SGTA: variants seen among roughly 807,000 people sequenced by gnomAD.
SGTA encodes small glutamine-rich tetratricopeptide repeat-containing protein alpha.
A neutral mutation model predicts 44.3 loss-of-function variants in SGTA; 22 were observed. The observed-to-expected ratio is 0.50, with a 90% confidence interval of 0.36 to 0.71. SGTA has a LOEUF of 0.71. Among genes scored for constraint, SGTA ranks in the 30% least tolerant of loss-of-function variants. SGTA has a pLI of 0.00. For synonymous variants in SGTA, 174 were observed against 177.6 expected (o/e 0.98, Z 0.16); for missense variants, 341 against 435.9 (o/e 0.78, Z 1.94).
At chr19:2,777,349 C>G (rs1382392205) in intron 1 of SGTA, 1 of 151,422 alleles carries the variant, frequency 6.6e-6, no homozygotes, top group African/African-American at 2.4e-5. Context: ...CATAGGAATT[C>G]AAGAGCAGCC....
intron 8 of SGTA, chr19:2,759,529 G>C: frequency 1.8e-6 from 1 of 547,840 alleles, no homozygotes; most frequent in Non-Finnish European, 3.3e-6. Flanking sequence ...CTTCAGGAGC[G>C]ATCTCGCAGC....
Position 2,765,145 on chromosome 19 carries a change from C to T in SGTA, c.392+41G>A, listed in dbSNP as rs376951937. 1.6e-4 allele frequency: 236 copies of T among 1,469,942 alleles called. 2 individuals are homozygous for T. The Admixed American group carries it at 3.9e-3, about 24-fold the overall frequency. The allele number at this position is 1,469,942 out of a possible 1,614,324, so 91.1% of individuals were successfully genotyped here. ...CTAAGCATCCCGGAGGACGCCCCCGCACCCGGCCGCCCCTGCCCTGGGCAG... is the reference window on the plus strand; with the variant it reads ...CTAAGCATCCCGGAGGACGCCCCCGTACCCGGCCGCCCCTGCCCTGGGCAG... On this transcript the variant is annotated intron_variant, in intron 5 of 11. Coordinates refer to ENST00000221566, the MANE Select transcript of SGTA (RefSeq NM_003021.4). The surrounding 1 kb of genome is among the most constrained non-coding windows in gnomAD (Gnocchi z 5.5).
At chr19:2,769,465 C>A (rs568147291) in intron 1 of SGTA, among the ~76,000 whole-genome samples, 5 of 152,178 alleles carry the variant, frequency 3.3e-5, no homozygotes, top group Non-Finnish European at 7.4e-5. Context: ...CAGCACCCTG[C>A]AGTGCCCAGG....
rs375608481 is a variant in SGTA, at chr19:2,765,171, G to A, written c.392+15C>T. 2.9e-4 allele frequency: 465 copies of A among 1,606,526 alleles called. No homozygotes were observed. The highest frequency in any genetic ancestry group is 3.6e-4 in the Non-Finnish European group (419 of 1,173,442). On this transcript the variant is annotated intron_variant, in intron 5 of 11. Coordinates refer to ENST00000221566, the MANE Select transcript of SGTA (RefSeq NM_003021.4). The surrounding 1 kb of genome is among the most constrained non-coding windows in gnomAD (Gnocchi z 5.5). Reference sequence around the variant, plus strand: ...ACCCGGCCGCCCCTGCCCTGGGCAGGCCCTGAGCTGGTACCTGTTGCAGAA... The same window carrying A: ...ACCCGGCCGCCCCTGCCCTGGGCAGACCCTGAGCTGGTACCTGTTGCAGAA...
At chr19:2,757,279 C>A (rs1310065160) in intron 11 of SGTA, 58 bp downstream of exon 11, 12 of 1,572,558 alleles carry the variant, frequency 7.6e-6, no homozygotes, top group East Asian at 2.3e-5. Flanking sequence ...CACTGCCAGG[C>A]ACTCACGTGG....
In SGTA at chr19:2,765,879, A is replaced by G. The variant is rs987716206; in HGVS notation, c.293-594T>C. 2.6e-5 allele frequency among the ~76,000 whole-genome samples: 4 copies of G among 152,162 alleles called. No individual in the cohort carries two copies. The highest frequency in any genetic ancestry group is 9.7e-5 in the African/African-American group (4 of 41,432). On this transcript the variant is annotated intron_variant, in intron 4 of 11. Coordinates refer to ENST00000221566, the MANE Select transcript of SGTA (RefSeq NM_003021.4). This position sits in a 1 kb window ranked among gnomAD's most constrained non-coding sequence, Gnocchi z 5.5. ...GATGGGTATCAGCGTGTGTTTCCCT[A>G]AACAGTTTTATTGAGATATAATTTA...
At position 2,771,085 on chromosome 19, in the gene SGTA, C is replaced by T. The variant is rs535158725; in HGVS notation, c.-23-1994G>A. Reference sequence around the variant, plus strand: ...GTCAGGGGTCGGGGAAAAAATAACCCGGAAGCTGTCAGCCCAGCGCTTGGC... The same window carrying T: ...GTCAGGGGTCGGGGAAAAAATAACCTGGAAGCTGTCAGCCCAGCGCTTGGC... On this transcript the variant is annotated intron_variant, in intron 1 of 11. Coordinates refer to ENST00000221566, the MANE Select transcript of SGTA (RefSeq NM_003021.4). Among the ~76,000 whole-genome samples, 64 of 152,306 alleles carry T rather than the reference C, an allele frequency of 4.2e-4. 1 individual carries two copies. Among genetic ancestry groups the T allele is most frequent in the African/African-American group, 1.4e-3 (59 of 41,564 alleles).
Position 2,763,601 on chromosome 19 carries a change from A to G in SGTA, c.497+52T>C, listed in dbSNP as rs148999769. 2 of 1,249,826 alleles carry G rather than the reference A, an allele frequency of 1.6e-6. No individual in the cohort carries two copies. The highest frequency in any genetic ancestry group is 2.3e-6 in the Non-Finnish European group (2 of 872,434). The allele number at this position is 1,249,826 out of a possible 1,614,324, so 77.4% of individuals were successfully genotyped here. A position where few individuals can be genotyped will look rare whatever the true frequency, so the allele number is the denominator to read the frequency against. ...ACACAAGAGAGGAAGCAGGAGCAGG[A>G]GAGGAGGGGTCCCGAGAGACTGGAA... On this transcript the variant is annotated intron_variant, in intron 6 of 11. Coordinates refer to ENST00000221566, the MANE Select transcript of SGTA (RefSeq NM_003021.4). The surrounding 1 kb of genome is among the most constrained non-coding windows in gnomAD (Gnocchi z 5.8).
At chr19:2,759,196 T>C (rs1456815094) in intron 9 of SGTA, 61 bp downstream of exon 9, 6 of 1,486,624 alleles carry the variant, frequency 4.0e-6, no homozygotes, top group Non-Finnish European at 5.6e-6. Flanking sequence ...TAAGTGAATT[T>C]ACCCACAATA....
Position 2,767,499 on chromosome 19 carries a change from G to T in SGTA, c.207+81C>A. ...CAGAGTGCTGGGGGACGATGAGAGC[G>T]GGGCTCCTGGGGTCCCCAGGGCTGC... On this transcript the variant is annotated intron_variant, in intron 3 of 11. Transcript: ENST00000221566. This position sits in a 1 kb window ranked among gnomAD's most constrained non-coding sequence, Gnocchi z 7.3. The T allele has an allele frequency of 1.7e-6, 2 of 1,152,618 alleles. No homozygotes were observed. The highest frequency in any genetic ancestry group is 1.5e-5 in the African/African-American group (1 of 65,916). 71.4% of individuals were successfully genotyped at this position (1,152,618 alleles called of 1,614,324 possible). A position where few individuals can be genotyped will look rare whatever the true frequency, so the allele number is the denominator to read the frequency against.
At chr19:2,762,375 C>A (rs776422371) in intron 7 of SGTA, 131 bp downstream of exon 7, 4 of 865,460 alleles carry the variant, frequency 4.6e-6, no homozygotes, top group Non-Finnish European at 7.2e-6. Flanking sequence ...CATCTCACCA[C>A]CAACTGAAAC....
intron 1 of SGTA, among the ~76,000 whole-genome samples, chr19:2,778,456 C>T (rs1054560625): frequency 6.6e-6 from 1 of 152,052 alleles, no homozygotes; most frequent in South Asian, 2.1e-4. Flanking sequence ...GCCTCTGTAC[C>T]CCAGGGCTTT....
intron 1 of SGTA, among the ~76,000 whole-genome samples, chr19:2,774,146 C>G (rs2144737638): frequency 6.6e-6 from 1 of 152,350 alleles, no homozygotes; most frequent in Admixed American, 6.5e-5. Flanking sequence ...GGCACTCTGT[C>G]ACCGCGGCCC....
intron 1 of SGTA, among the ~76,000 whole-genome samples, chr19:2,772,111 C>T (rs987707594): frequency 9.2e-5 from 14 of 152,236 alleles, no homozygotes; most frequent in Admixed American, 3.3e-4. Context: ...CTCTGTGTGC[C>T]AAGACGCATG....
In SGTA at chr19:2,756,246, T is replaced by A. The variant is rs181008408; in HGVS notation, c.*7-313A>T. ...AAGGAAAAATAAATAAAAGCTTATT[T>A]AAAAAAAAAAGGGAAGACTGGAAGA... is the stretch of plus-strand genomic sequence containing the variant. On this transcript the variant is annotated intron_variant, in intron 11 of 11. Coordinates refer to ENST00000221566, the MANE Select transcript of SGTA (RefSeq NM_003021.4). 5.4e-3 allele frequency among the ~76,000 whole-genome samples: 792 copies of A among 147,588 alleles called. 9 individuals are homozygous for A. Among genetic ancestry groups the A allele is most frequent in the African/African-American group, 0.019 (761 of 40,266 alleles).
intron 1 of SGTA, among the ~76,000 whole-genome samples, chr19:2,782,032 G>A (rs940846491): frequency 1.3e-5 from 2 of 152,214 alleles, no homozygotes; most frequent in East Asian, 1.9e-4. Context: ...AGTAGAGACG[G>A]GGTTTCACCA....
chr19:2,763,778 C>A lies in SGTA; in HGVS notation c.393-21G>T. On this transcript the variant is annotated intron_variant, in intron 5 of 11. Coordinates refer to ENST00000221566, the MANE Select transcript of SGTA (RefSeq NM_003021.4). The surrounding 1 kb of genome is among the most constrained non-coding windows in gnomAD (Gnocchi z 5.8). ...CGGCTCTGGGGAAGAAAAGGCAGGG[C>A]AGGTCCCTCACTGGCGGCTCTGAGC... The A allele has an allele frequency of 6.2e-7, 1 of 1,605,342 alleles. No homozygotes were observed. The highest frequency in any genetic ancestry group is 8.5e-7 in the Non-Finnish European group (1 of 1,174,484).
chr19:2,776,543 G>A (rs1435854431), intron 1 of SGTA, among the ~76,000 whole-genome samples: 2 of 152,224 alleles, frequency 1.3e-5, no homozygotes, highest in African/African-American at 4.8e-5. Context: ...AGGGGCTGGG[G>A]AGTGAATGTT....
rs1914780037 is a variant in SGTA, at chr19:2,754,996, G to A, written c.*944C>T. 1.3e-5 allele frequency: 2 copies of A among 152,232 alleles called. No individual in the cohort carries two copies. The highest frequency in any genetic ancestry group is 2.1e-4 in the South Asian group (1 of 4,830). 9.4% of individuals were successfully genotyped at this position (152,232 alleles called of 1,614,324 possible). A position where few individuals can be genotyped will look rare whatever the true frequency, so the allele number is the denominator to read the frequency against. ...CAGGCTGCCTGCTGTCCGGCTCTCCGGCTGCTTTCCTGGTGGCTGTTTTAG... is the reference window on the plus strand; with the variant it reads ...CAGGCTGCCTGCTGTCCGGCTCTCCAGCTGCTTTCCTGGTGGCTGTTTTAG... On this transcript the variant is annotated 3_prime_UTR_variant, in exon 12 of 12. Transcript: ENST00000221566. The surrounding 1 kb of genome is among the most constrained non-coding windows in gnomAD (Gnocchi z 4.4).
Sources: allele counts gnomAD v4.1 joint callset (sites outside exome capture counted in the v4.1 genomes callset), GRCh38; gene constraint gnomAD v4.1.1; non-coding constraint Gnocchi (gnomAD v3.1); transcripts MANE v1.5; gene names NCBI Gene and HGNC (gene_info 2026-07-23, HGNC 2026-07-21).